Variants in DNM3 observed in about 807,000 individuals in gnomAD.
DNM3 encodes dynamin 3, also known as dynamin-3.
Under a neutral mutation model 101.6 loss-of-function variants are expected in DNM3, and 47 were observed. The observed-to-expected ratio is 0.46, with a 90% CI of 0.37 to 0.59. DNM3 has a LOEUF of 0.59. DNM3 is among the 20% of genes least tolerant of loss of function. DNM3 has a pLI of 0.00. For synonymous variants in DNM3, 385 were observed against 387.9 expected (o/e 0.99, Z 0.09); for missense variants, 849 against 1,085.7 (o/e 0.78, Z 3.06).
chr1:172,120,055 C>G (rs895379726), intron 13 of DNM3, among the ~76,000 whole-genome samples: 1 of 152,162 alleles, frequency 6.6e-6, no homozygotes, highest in African/African-American at 2.4e-5. Context: ...TTCACCAACC[C>G]AGAGCTAGAA....
At chr1:172,092,503 A>G (rs1252600069) in intron 12 of DNM3, among the ~76,000 whole-genome samples, 1 of 152,208 alleles carries the variant, frequency 6.6e-6, no homozygotes, top group Non-Finnish European at 1.5e-5. Flanking sequence ...AATAATCATT[A>G]ACTTAATTTC....
At chr1:172,369,254 C>T (rs563345820) in intron 17 of DNM3, among the ~76,000 whole-genome samples, 162 of 151,946 alleles carry the variant, frequency 1.1e-3, no homozygotes, top group African/African-American at 3.7e-3. Flanking sequence ...AATACTACAG[C>T]ATATCAAAAA....
intron 12 of DNM3, among the ~76,000 whole-genome samples, chr1:172,092,524 C>T (rs1371143002): frequency 6.6e-6 from 1 of 152,194 alleles, no homozygotes; most frequent in East Asian, 1.9e-4. Flanking sequence ...CATTACAACT[C>T]TCCTCTGTAC....
intron 1 of DNM3, among the ~76,000 whole-genome samples, chr1:171,889,218 A>G (rs2037045474): frequency 6.6e-6 from 1 of 152,074 alleles, no homozygotes; most frequent in Admixed American, 6.6e-5. Context: ...GGCTCAAGCA[A>G]TCCTCCCACC....
At chr1:172,341,992 T>C (rs2066707597) in intron 17 of DNM3, among the ~76,000 whole-genome samples, 1 of 152,002 alleles carries the variant, frequency 6.6e-6, no homozygotes, top group Non-Finnish European at 1.5e-5. Flanking sequence ...CCAATAAGCA[T>C]ATGAAAAAAT....
At chr1:172,025,637 T>A (rs188632080) in intron 4 of DNM3, among the ~76,000 whole-genome samples, 52 of 152,306 alleles carry the variant, frequency 3.4e-4, no homozygotes, top group African/African-American at 1.3e-3. Context: ...TTCTGCAGCC[T>A]CCGCTGGTGA....
At chr1:171,921,226 G>T (rs2040143834) in intron 1 of DNM3, among the ~76,000 whole-genome samples, 1 of 152,150 alleles carries the variant, frequency 6.6e-6, no homozygotes, top group South Asian at 2.1e-4. Context: ...GGGATTACAG[G>T]TGTGGAACAC....
At chr1:171,866,983 G>A (rs1346817764) in intron 1 of DNM3, among the ~76,000 whole-genome samples, 6 of 152,154 alleles carry the variant, frequency 3.9e-5, no homozygotes, top group East Asian at 1.9e-4. Context: ...CTTTTAGGTC[G>A]TATTTTAAAA....
At chr1:171,947,836 A>T (rs1201991566) in intron 2 of DNM3, among the ~76,000 whole-genome samples, 1 of 152,218 alleles carries the variant, frequency 6.6e-6, no homozygotes, top group Non-Finnish European at 1.5e-5. Context: ...TACATTTTAA[A>T]GTGTTTAATA....
At chr1:172,190,405 T>A (rs1054106843) in intron 14 of DNM3, among the ~76,000 whole-genome samples, 2 of 152,146 alleles carry the variant, frequency 1.3e-5, no homozygotes, top group African/African-American at 4.8e-5. Flanking sequence ...CTTAATCCAG[T>A]CTATCATTGA....
At chr1:171,996,441 A>T (rs2046001324) in intron 4 of DNM3, among the ~76,000 whole-genome samples, 1 of 152,166 alleles carries the variant, frequency 6.6e-6, no homozygotes, top group South Asian at 2.1e-4. Context: ...TAATATATAC[A>T]GTGGTTGAAT....
chr1:172,257,224 T>C (rs570833813), intron 15 of DNM3, among the ~76,000 whole-genome samples: 4 of 152,244 alleles, frequency 2.6e-5, no homozygotes, highest in African/African-American at 9.6e-5. Flanking sequence ...TGCCAGATAC[T>C]GTTCTATGCT....
chr1:172,051,261 A>G (rs2125871754), intron 10 of DNM3, among the ~76,000 whole-genome samples: 1 of 152,248 alleles, frequency 6.6e-6, no homozygotes, highest in East Asian at 1.9e-4. Context: ...GTCTTCCATT[A>G]AGGCCCAGGT....
At chr1:171,982,850 C>T (rs1464771781) in intron 2 of DNM3, among the ~76,000 whole-genome samples, 1 of 152,088 alleles carries the variant, frequency 6.6e-6, no homozygotes, top group Admixed American at 6.5e-5. Flanking sequence ...TCTACAGTCC[C>T]CTGATGAATT....
At chr1:172,082,123 G>A (rs1306656293) in intron 12 of DNM3, among the ~76,000 whole-genome samples, 1 of 152,166 alleles carries the variant, frequency 6.6e-6, no homozygotes, top group African/African-American at 2.4e-5. Context: ...AGCATATGAA[G>A]TCATGTATGT....
At chr1:172,347,194 G>GCCCC (rs58835347) in intron 17 of DNM3, among the ~76,000 whole-genome samples, 17 of 147,186 alleles carry the variant, frequency 1.2e-4, no homozygotes, top group African/African-American at 4.4e-4. Flanking sequence ...ACTAGCAGAA[G>GCCCC]CCCCCCCCGC....
chr1:172,122,199 G>A (rs2056364663), intron 13 of DNM3, among the ~76,000 whole-genome samples: 1 of 152,014 alleles, frequency 6.6e-6, no homozygotes, highest in African/African-American at 2.4e-5. Flanking sequence ...AGAACTTTGT[G>A]TTTTACCATC....
chr1:172,107,775 A>G (rs2055169218), intron 13 of DNM3, among the ~76,000 whole-genome samples: 1 of 152,228 alleles, frequency 6.6e-6, no homozygotes, highest in African/African-American at 2.4e-5. Flanking sequence ...AAATCCTCTG[A>G]AAATAAATAT....
intron 7 of DNM3, 80 bp from the exon 8 acceptor site, chr1:172,041,929 G>T: frequency 6.9e-7 from 1 of 1,459,288 alleles, no homozygotes; most frequent in South Asian, 1.5e-5. Flanking sequence ...GGATTCTAAG[G>T]AATAATCATA....
Sources: allele counts gnomAD v4.1 joint callset (sites outside exome capture counted in the v4.1 genomes callset), GRCh38; gene constraint gnomAD v4.1.1; transcripts MANE v1.5; gene names NCBI Gene and HGNC (gene_info 2026-07-23, HGNC 2026-07-21).